CFAP52: variants seen among roughly 807,000 people sequenced by gnomAD.
CFAP52 encodes cilia and flagella associated protein 52.
CFAP52 carries 57 observed loss-of-function variants against 70.5 expected under a neutral mutation model. The observed-to-expected ratio is 0.81, with a 90% CI of 0.65 to 1.01. CFAP52 has a LOEUF of 1.01. Among genes scored for constraint, CFAP52 ranks in the 50% least tolerant of loss-of-function variants. The pLI, the probability that CFAP52 is intolerant of heterozygous loss-of-function variation, is 0.00. For missense variants in CFAP52, 785 were observed against 788.5 expected (o/e 1.00, Z 0.05); for synonymous variants, 267 against 292.5 (o/e 0.91, Z 0.89).
intron 1 of CFAP52, chr17:9,584,201 GT>G: frequency 8.1e-7 from 1 of 1,239,352 alleles, no homozygotes; most frequent in Admixed American, 3.0e-5. Context: ...TCCTGAAACT[GT>G]TTTTAGTGAA....
intron 4 of CFAP52, among the ~76,000 whole-genome samples, 156 bp from the exon 5 acceptor site, chr17:9,598,078 G>T (rs6503233): frequency 0.96 from 146,121 of 152,116 alleles, 70,448 homozygotes; most frequent in East Asian, 1. Context: ...CCTCGTGGTG[G>T]TGTTATGAGG....
intron 6 of CFAP52, among the ~76,000 whole-genome samples, chr17:9,605,431 G>T (rs1292688635): frequency 6.6e-6 from 1 of 152,024 alleles, no homozygotes; most frequent in Non-Finnish European, 1.5e-5. Context: ...AAAAGATCAG[G>T]CTGGGCGCGG....
At chr17:9,603,867 G>A (rs77515080) in intron 6 of CFAP52, among the ~76,000 whole-genome samples, 2,822 of 152,198 alleles carry the variant, frequency 0.019, 81 homozygotes, top group African/African-American at 0.064. Context: ...TATTGAAGAA[G>A]AACACAGTTG....
chr17:9,621,069 C>A (rs1488497972), intron 8 of CFAP52, among the ~76,000 whole-genome samples: 4 of 51,246 alleles, frequency 7.8e-5, no homozygotes, highest in African/African-American at 3.9e-4. Flanking sequence ...AACAGGCAAC[C>A]TACAACATGG....
intron 1 of CFAP52, among the ~76,000 whole-genome samples, chr17:9,581,133 G>T (rs780563499): frequency 6.6e-6 from 1 of 152,110 alleles, no homozygotes; most frequent in Non-Finnish European, 1.5e-5. Context: ...TGGCTAACAC[G>T]GTGAAACCCC....
chr17:9,621,129 T>C (rs1221373211), intron 8 of CFAP52, among the ~76,000 whole-genome samples: 4 of 59,788 alleles, frequency 6.7e-5, no homozygotes, highest in African/African-American at 3.3e-4. Flanking sequence ...ATATCCAGAA[T>C]CTACAATGAA....
chr17:9,615,577 ACTAT>A (rs1308432792), intron 8 of CFAP52, among the ~76,000 whole-genome samples: 3 of 151,458 alleles, frequency 2.0e-5, no homozygotes, highest in African/African-American at 7.3e-5. Flanking sequence ...CAACTTGGAA[ACTAT>A]CTACTTTATT....
chr17:9,592,171 C>T (rs1395966571), intron 3 of CFAP52, among the ~76,000 whole-genome samples: 1 of 152,066 alleles, frequency 6.6e-6, no homozygotes. Flanking sequence ...CAAAAAGAAA[C>T]CCCATACCCA....
intron 6 of CFAP52, among the ~76,000 whole-genome samples, chr17:9,603,319 C>T (rs536563136): frequency 2.0e-5 from 3 of 152,308 alleles, no homozygotes; most frequent in African/African-American, 7.2e-5. Flanking sequence ...CGCCATTCTC[C>T]TGACTCAGTC....
chr17:9,609,269 T>C (rs1909627825), intron 7 of CFAP52, among the ~76,000 whole-genome samples: 1 of 152,068 alleles, frequency 6.6e-6, no homozygotes, highest in Non-Finnish European at 1.5e-5. Context: ...TCATGGAGCT[T>C]ACATTCTAGC....
chr17:9,597,251 C>A (rs752552784), intron 4 of CFAP52, among the ~76,000 whole-genome samples: 1 of 152,092 alleles, frequency 6.6e-6, no homozygotes, highest in Non-Finnish European at 1.5e-5. Context: ...CTTCCCATTG[C>A]GTACATATAC....
rs528924142 is a variant in CFAP52 at position 9,600,010 on chromosome 17, A to G, written c.637-57A>G. On this transcript the variant is annotated intron_variant, in intron 5 of 13. Coordinates refer to ENST00000352665, the MANE Select transcript of CFAP52 (RefSeq NM_145054.5). ...CCCGCCTCGGCCTCCCAAAGTGCTG[A>G]TATTACAGGCGTGAGCCACCGAGGC... 8.1e-6 allele frequency: 12 copies of G among 1,482,500 alleles called. No homozygotes were observed. In the African/African-American group the frequency reaches 1.2e-4, roughly 15 times the overall value. 91.8% of individuals were successfully genotyped at this position (1,482,500 alleles called of 1,614,324 possible). A position where few individuals can be genotyped will look rare whatever the true frequency, so the allele number is the denominator to read the frequency against.
At chr17:9,599,278 T>G (rs147656194) in intron 5 of CFAP52, among the ~76,000 whole-genome samples, 3 of 152,326 alleles carry the variant, frequency 2.0e-5, no homozygotes, top group African/African-American at 7.2e-5. Flanking sequence ...GCATTTCAGA[T>G]TTTAGATTTT....
intron 1 of CFAP52, among the ~76,000 whole-genome samples, chr17:9,582,425 G>A (rs566737978): frequency 2.0e-5 from 3 of 152,234 alleles, no homozygotes; most frequent in Admixed American, 6.5e-5. Context: ...ATCTCTTTTT[G>A]TAGGTTTATT....
At chr17:9,640,302 T>C (rs1188769632) in intron 12 of CFAP52, among the ~76,000 whole-genome samples, 1 of 150,422 alleles carries the variant, frequency 6.6e-6, no homozygotes, top group African/African-American at 2.4e-5. Flanking sequence ...TAGGTAAACA[T>C]GTGCCGTGGT....
intron 1 of CFAP52, among the ~76,000 whole-genome samples, chr17:9,584,608 ATT>A (rs57052137): frequency 8.6e-5 from 13 of 151,342 alleles, no homozygotes; most frequent in Admixed American, 2.0e-4. Context: ...TTAATGCAGT[ATT>A]TTTTTTTTAA....
rs561503102 is a variant in CFAP52 at position 9,603,502 on chromosome 17, C to A, written c.753+3319C>A. On this transcript the variant is annotated intron_variant, in intron 6 of 13. Transcript: ENST00000352665. ...GGGATTACAGGCGTGAGCCACCACA[C>A]CCGGCCCTAAGTAGATATTTCATGT... Among the ~76,000 whole-genome samples, 52 of 152,358 alleles carry A rather than the reference C, an allele frequency of 3.4e-4. 1 individual carries two copies. In the Middle Eastern group the frequency reaches 0.014, roughly 40 times the overall value.
chr17:9,632,984 C>T lies in CFAP52; in HGVS notation c.1271C>T (p.Ala424Val). ...CACAGGATCGGCGTCACCGCCATCG[C>T]CACCACCAGTGACTGTAAAAGGGTC... ...NAHRIGVTAI[A>V]TTSDCKRVIS... Residue 424 changes from alanine to valine, a missense_variant, in exon 10 of 14, where the codon GCC becomes GTC. Physicochemically the swap from Ala to Val is moderately conservative, Grantham distance 64 (BLOSUM62 0). Coordinates refer to ENST00000352665, the MANE Select transcript of CFAP52 (RefSeq NM_145054.5). 3.1e-6 allele frequency: 5 copies of T among 1,614,166 alleles called. No individual in the cohort carries two copies. The highest frequency in any genetic ancestry group is 4.2e-6 in the Non-Finnish European group (5 of 1,180,028).
chr17:9,580,382 A>C (rs1377897915), intron 1 of CFAP52, among the ~76,000 whole-genome samples: 1 of 151,670 alleles, frequency 6.6e-6, no homozygotes, highest in African/African-American at 2.4e-5. Context: ...CTATTAGCTC[A>C]AAAAGCTTAA....
Sources: allele counts gnomAD v4.1 joint callset (sites outside exome capture counted in the v4.1 genomes callset), GRCh38; gene constraint gnomAD v4.1.1; transcripts MANE v1.5; gene names NCBI Gene and HGNC (gene_info 2026-07-23, HGNC 2026-07-21).